GDE1: variants seen among roughly 807,000 people sequenced by gnomAD.
GDE1 encodes the protein glycerophosphodiester phosphodiesterase 1.
In GDE1, 24 loss-of-function variants were observed where a neutral mutation model predicts 32.2. That is an observed-to-expected ratio of 0.75 (90% CI 0.54 to 1.05). GDE1 has a LOEUF of 1.05. Among genes scored for constraint, GDE1 ranks in the 50% least tolerant of loss-of-function variants. GDE1 has a pLI of 0.00. For synonymous variants in GDE1, 159 were observed against 158.6 expected (o/e 1.00, Z -0.02); for missense variants, 380 against 415.0 (o/e 0.92, Z 0.73).
At chr16:19,516,538 T>C (rs920412518) in intron 2 of GDE1, among the ~76,000 whole-genome samples, 2 of 152,216 alleles carry the variant, frequency 1.3e-5, no homozygotes, top group Admixed American at 6.5e-5. Flanking sequence ...ATTTCCATCA[T>C]TGCAGAAAGT....
intron 1 of GDE1, chr16:19,521,485 G>A (rs1353919399): frequency 1.7e-6 from 1 of 576,538 alleles, no homozygotes; most frequent in Non-Finnish European, 3.1e-6. Context: ...TTAGCGTCAG[G>A]CGCACAGAAA....
At chr16:19,515,915 C>T (rs1969375201) in intron 2 of GDE1, among the ~76,000 whole-genome samples, 1 of 152,032 alleles carries the variant, frequency 6.6e-6, no homozygotes. Flanking sequence ...TTTAAATAAC[C>T]ACATTCCAAA....
intron 1 of GDE1, among the ~76,000 whole-genome samples, chr16:19,518,801 C>T (rs1028928404): frequency 1.3e-5 from 2 of 152,192 alleles, no homozygotes; most frequent in Non-Finnish European, 2.9e-5. Flanking sequence ...TTATCAATAA[C>T]GTCCTTTATG....
At chr16:19,517,403 T>C (rs1008958047) in intron 1 of GDE1, among the ~76,000 whole-genome samples, 1 of 152,212 alleles carries the variant, frequency 6.6e-6, no homozygotes, top group African/African-American at 2.4e-5. Context: ...TTAAAAACTT[T>C]AATTTTCCCA....
In GDE1 at chr16:19,517,068, T is replaced by C. The variant is rs1969389854; in HGVS notation, c.383A>G (p.Asp128Gly). Reference protein sequence around the residue: ...RTTDGTGRLCDLTFEQIRKLN... With the variant: ...RTTDGTGRLCGLTFEQIRKLN... ...CTTCCTAATTTGTTCAAATGTCAAATCACACAATCGCCCAGTCCCATCAGT... is the reference window on the plus strand; with the variant it reads ...CTTCCTAATTTGTTCAAATGTCAAACCACACAATCGCCCAGTCCCATCAGT... Residue 128 changes from aspartate (D) to glycine (G), a missense_variant, in exon 2 of 6, where the codon GAT (aspartate) becomes GGT (glycine). Coordinates refer to ENST00000353258, the MANE Select transcript of GDE1 (RefSeq NM_016641.4). The C allele has an allele frequency of 6.2e-7, 1 of 1,614,044 alleles. No individual in the cohort carries two copies. Among genetic ancestry groups the C allele is most frequent in the African/African-American group, 1.3e-5 (1 of 74,930 alleles).
intron 3 of GDE1, among the ~76,000 whole-genome samples, chr16:19,508,811 G>C (rs1291177119): frequency 6.6e-6 from 1 of 152,082 alleles, no homozygotes; most frequent in Non-Finnish European, 1.5e-5. Context: ...AGGACTGTTG[G>C]AGTCCCAAGC....
chr16:19,515,433 A>AT (rs1210919423), intron 2 of GDE1, among the ~76,000 whole-genome samples: 4 of 152,090 alleles, frequency 2.6e-5, no homozygotes, highest in Non-Finnish European at 4.4e-5. Flanking sequence ...GAAAATCACA[A>AT]TTTTTTTTCC....
At position 19,521,312 on chromosome 16, in the gene GDE1, G is replaced by A. The variant is rs1969449889; in HGVS notation, c.261+392C>T. On this transcript the variant is annotated intron_variant, in intron 1 of 5. Transcript: ENST00000353258. ...GACTATTCCATCTAAATAAAATAGCGTAACTCTTTCCTTCGAGTTCCCCCG... is the reference window on the plus strand; with the variant it reads ...GACTATTCCATCTAAATAAAATAGCATAACTCTTTCCTTCGAGTTCCCCCG... 2.1e-5 allele frequency: 4 copies of A among 186,746 alleles called. No homozygotes were observed. The Admixed American group carries it at 2.2e-4, about 10-fold the overall frequency. 11.6% of individuals were successfully genotyped at this position (186,746 alleles called of 1,614,324 possible). A position where few individuals can be genotyped will look rare whatever the true frequency, so the allele number is the denominator to read the frequency against.
rs934528271 is a variant in GDE1 at position 19,502,393 on chromosome 16, T to A, written c.*1077A>T. On this transcript the variant is annotated 3_prime_UTR_variant, in exon 6 of 6. Coordinates refer to ENST00000353258, the MANE Select transcript of GDE1 (RefSeq NM_016641.4). ...AGTTATCTTTTTTTTTTTTTTTTTT[T>A]TTTTTTTTTTAAGAGTCAGGTTCTC... 4 of 146,384 alleles carry A rather than the reference T, an allele frequency of 2.7e-5. No individual in the cohort carries two copies. Among genetic ancestry groups the A allele is most frequent in the Admixed American group, 6.8e-5 (1 of 14,770 alleles). The allele number at this position is 146,384 out of a possible 1,614,324, so 9.1% of individuals were successfully genotyped here.
Position 19,517,233 on chromosome 16 carries a change from C to G in GDE1, c.262-44G>C, listed in dbSNP as rs769045417. On this transcript the variant is annotated intron_variant, in intron 1 of 5. Coordinates refer to ENST00000353258, the MANE Select transcript of GDE1 (RefSeq NM_016641.4). Reference sequence around the variant, plus strand: ...AATATTACTGTCAAATGGCCACAAACATTATTTTGCATCTAACCACCCAAA... The same window carrying G: ...AATATTACTGTCAAATGGCCACAAAGATTATTTTGCATCTAACCACCCAAA... 26 of 1,483,172 alleles carry G rather than the reference C, an allele frequency of 1.8e-5. No individual in the cohort carries two copies. In the South Asian group the frequency reaches 2.9e-4, roughly 16 times the overall value. The allele number at this position is 1,483,172 out of a possible 1,614,324, so 91.9% of individuals were successfully genotyped here. A position where few individuals can be genotyped will look rare whatever the true frequency, so the allele number is the denominator to read the frequency against.
Position 19,517,277 on chromosome 16 carries a change from A to T in GDE1, c.262-88T>A, listed in dbSNP as rs951902310. 5.7e-5 allele frequency: 55 copies of T among 965,258 alleles called. 1 individual carries two copies. Among genetic ancestry groups the T allele is most frequent in the Non-Finnish European group, 5.4e-5 (33 of 615,440 alleles). 59.8% of individuals were successfully genotyped at this position (965,258 alleles called of 1,614,324 possible). ...ACCCAAAAGACCAGCAGGGCTCCTAAGACAGCTGTCCTTTTTGATTCATTT... is the reference window on the plus strand; with the variant it reads ...ACCCAAAAGACCAGCAGGGCTCCTATGACAGCTGTCCTTTTTGATTCATTT... On this transcript the variant is annotated intron_variant, in intron 1 of 5. Coordinates refer to ENST00000353258, the MANE Select transcript of GDE1 (RefSeq NM_016641.4).
At chr16:19,511,275 T>G (rs1490536568) in intron 2 of GDE1, among the ~76,000 whole-genome samples, 1 of 152,014 alleles carries the variant, frequency 6.6e-6, no homozygotes, top group Non-Finnish European at 1.5e-5. Flanking sequence ...GCTAATTTTT[T>G]GTGTTTTTAG....
chr16:19,507,207 C>T (rs889232733), intron 4 of GDE1, among the ~76,000 whole-genome samples: 4 of 151,594 alleles, frequency 2.6e-5, no homozygotes, highest in Admixed American at 2.0e-4. Flanking sequence ...TTTAAAGATT[C>T]TTAATGCAAT....
chr16:19,504,729 C>T (rs1969222901), intron 5 of GDE1, 152 bp downstream of exon 5: 3 of 604,386 alleles, frequency 5.0e-6, no homozygotes, highest in Middle Eastern at 2.9e-4. Flanking sequence ...GAACTCTTCC[C>T]ACCTAAGAAG....
chr16:19,507,561 A>G, intron 4 of GDE1, 126 bp downstream of exon 4: 1 of 630,862 alleles, frequency 1.6e-6, no homozygotes, highest in Non-Finnish European at 2.9e-6. Flanking sequence ...AATTTAAAAG[A>G]GGAGCTTCTC....
chr16:19,513,871 G>A (rs1969348450), intron 2 of GDE1, among the ~76,000 whole-genome samples: 1 of 152,154 alleles, frequency 6.6e-6, no homozygotes, highest in South Asian at 2.1e-4. Flanking sequence ...ACAAGTAAAT[G>A]GTTTGCACAA....
chr16:19,507,861 T>C, intron 3 of GDE1, 82 bp from the exon 4 acceptor site: 1 of 680,758 alleles, frequency 1.5e-6, no homozygotes, highest in Non-Finnish European at 2.6e-6. Context: ...ACATATTAAG[T>C]ACAACCCTAT....
At chr16:19,512,242 A>C (rs1408239232) in intron 2 of GDE1, among the ~76,000 whole-genome samples, 1 of 152,148 alleles carries the variant, frequency 6.6e-6, no homozygotes, top group Non-Finnish European at 1.5e-5. Context: ...GTTATTTTAA[A>C]AATCTTTTAA....
In GDE1 at chr16:19,502,387, T is replaced by A. The variant is rs1477016027; in HGVS notation, c.*1083A>T. The A allele has an allele frequency of 3.4e-5, 5 of 146,684 alleles. No individual in the cohort carries two copies. Among genetic ancestry groups the A allele is most frequent in the Middle Eastern group, 3.2e-3 (1 of 314 alleles). The allele number at this position is 146,684 out of a possible 1,614,324, so 9.1% of individuals were successfully genotyped here. A position where few individuals can be genotyped will look rare whatever the true frequency, so the allele number is the denominator to read the frequency against. ...AGTTCTAGTTATCTTTTTTTTTTTT[T>A]TTTTTTTTTTTTTTTTAAGAGTCAG... is the stretch of plus-strand genomic sequence containing the variant. On this transcript the variant is annotated 3_prime_UTR_variant, in exon 6 of 6. Transcript: ENST00000353258.
Sources: gnomAD v4.1 joint callset for allele counts (sites outside exome capture counted in the v4.1 genomes callset) on GRCh38, gnomAD v4.1.1 for gene constraint, MANE v1.5 for transcripts, NCBI Gene and HGNC (gene_info 2026-07-23, HGNC 2026-07-21) for gene names.